Variants in SETD5 observed in about 807,000 individuals in gnomAD.
SETD5 encodes histone-lysine N-methyltransferase SETD5.
Under a neutral mutation model 153.3 loss-of-function variants are expected in SETD5, and 44 were observed. That is an observed-to-expected ratio of 0.29 (90% CI 0.23 to 0.37). The LOEUF is 0.37. Ranked by LOEUF, SETD5 falls within the 10% of genes least tolerant of loss-of-function variation. SETD5 has a pLI of 1.00. For synonymous variants in SETD5, 716 were observed against 645.2 expected (o/e 1.11, Z -1.66); for missense variants, 1,544 against 1,768.0 (o/e 0.87, Z 2.27).
At chr3:9,417,497 T>A (rs373570080) in intron 1 of SETD5, among the ~76,000 whole-genome samples, 1 of 142,320 alleles carries the variant, frequency 7.0e-6, no homozygotes, top group East Asian at 2.0e-4. Context: ...TTTTTTTTTT[T>A]CCCCCCGAGA....
chr3:9,465,421 T>C (rs2044438457), intron 18 of SETD5, among the ~76,000 whole-genome samples: 1 of 152,248 alleles, frequency 6.6e-6, no homozygotes, highest in South Asian at 2.1e-4. Context: ...ACTTCATCTA[T>C]TGCATGTTAC....
chr3:9,399,843 AAGT>A (rs1399397673), intron 1 of SETD5, among the ~76,000 whole-genome samples: 1 of 150,258 alleles, frequency 6.7e-6, no homozygotes, highest in East Asian at 1.9e-4. Flanking sequence ...AAAAAAAAAA[AAGT>A]GTGTGTAAGG....
chr3:9,436,914 G>A, intron 7 of SETD5: 1 of 1,547,872 alleles, frequency 6.5e-7, no homozygotes, highest in Non-Finnish European at 8.7e-7. Flanking sequence ...CGCTGATGCT[G>A]TGTTTTACTT....
At chr3:9,447,369 C>T in intron 14 of SETD5, 62 bp downstream of exon 14, 1 of 1,543,558 alleles carries the variant, frequency 6.5e-7, no homozygotes, top group Non-Finnish European at 8.7e-7. Flanking sequence ...CAATACCTAA[C>T]TTTTGGAATT....
At chr3:9,456,171 T>C (rs997137208) in intron 17 of SETD5, among the ~76,000 whole-genome samples, 1 of 151,484 alleles carries the variant, frequency 6.6e-6, no homozygotes, top group Admixed American at 6.6e-5. Context: ...ACTAACTATA[T>C]GATGTTACTA....
chr3:9,409,620 C>G (rs966527418), intron 1 of SETD5, among the ~76,000 whole-genome samples: 2 of 152,144 alleles, frequency 1.3e-5, no homozygotes, highest in African/African-American at 2.4e-5. Context: ...TCAGCCATTT[C>G]TGCAGAAACC....
chr3:9,465,771 A>G (rs1039448045), intron 18 of SETD5, among the ~76,000 whole-genome samples: 1 of 152,082 alleles, frequency 6.6e-6, no homozygotes, highest in African/African-American at 2.4e-5. Flanking sequence ...TAGGGAAATT[A>G]CTCTTTACCA....
chr3:9,432,885 ATTTTC>A (rs2040133113), intron 3 of SETD5, among the ~76,000 whole-genome samples: 1 of 152,208 alleles, frequency 6.6e-6, no homozygotes, highest in South Asian at 2.1e-4. Flanking sequence ...GTCTCAAATA[ATTTTC>A]TTTAAAGGAC....
chr3:9,436,225 C>A (rs1330766748), intron 7 of SETD5, among the ~76,000 whole-genome samples: 1 of 152,150 alleles, frequency 6.6e-6, no homozygotes, highest in African/African-American at 2.4e-5. Flanking sequence ...CAGTATCTCC[C>A]CACCTCTCAA....
intron 1 of SETD5, among the ~76,000 whole-genome samples, chr3:9,408,713 C>T (rs1575182363): frequency 1.3e-5 from 2 of 152,076 alleles, no homozygotes; most frequent in Non-Finnish European, 2.9e-5. Flanking sequence ...TACATAATTT[C>T]TGCTTGTCTG....
chr3:9,436,078 C>A (rs1458025066), intron 7 of SETD5, among the ~76,000 whole-genome samples, 172 bp downstream of exon 7: 1 of 152,158 alleles, frequency 6.6e-6, no homozygotes, highest in Non-Finnish European at 1.5e-5. Context: ...ACCAACCTCT[C>A]TTCTGCCACA....
At chr3:9,440,115 A>C (rs1049831314) in intron 7 of SETD5, among the ~76,000 whole-genome samples, 1 of 152,210 alleles carries the variant, frequency 6.6e-6, no homozygotes, top group African/African-American at 2.4e-5. Flanking sequence ...TTTCTTATGA[A>C]CTTGATGTCA....
chr3:9,459,714 CAAA>C (rs386395917), intron 17 of SETD5, among the ~76,000 whole-genome samples: 15 of 78,272 alleles, frequency 1.9e-4, no homozygotes, highest in Admixed American at 1.3e-4. Context: ...GAGACTCCAT[CAAA>C]AAAAAAAAAA....
At chr3:9,431,147 G>A in intron 3 of SETD5, 1 of 985,372 alleles carries the variant, frequency 1.0e-6, no homozygotes, top group Non-Finnish European at 1.2e-6. Context: ...GCAACTATAT[G>A]CAATACGCAT....
At position 9,417,465 on chromosome 3, in the gene SETD5, A is replaced by G. The variant is rs146150440; in HGVS notation, c.-176-7002A>G. 3.3e-5 allele frequency among the ~76,000 whole-genome samples: 5 copies of G among 152,110 alleles called. No individual in the cohort carries two copies. In the East Asian group the frequency reaches 9.6e-4, roughly 29 times the overall value. ...CATATTTTGTCTCCTGTCTTTTAGTAAATCAGTATAGATAAGTCTTTTTTT... is the reference window on the plus strand; with the variant it reads ...CATATTTTGTCTCCTGTCTTTTAGTGAATCAGTATAGATAAGTCTTTTTTT... On this transcript the variant is annotated intron_variant, in intron 1 of 22. Coordinates refer to ENST00000402198, the MANE Select transcript of SETD5 (RefSeq NM_001080517.3).
At chr3:9,472,076 T>C (rs1427975783) in intron 19 of SETD5, among the ~76,000 whole-genome samples, 1 of 152,226 alleles carries the variant, frequency 6.6e-6, no homozygotes, top group African/African-American at 2.4e-5. Flanking sequence ...TCGAAGATTG[T>C]TGCGTGAACA....
chr3:9,441,350 GTATTTTTTT>G (rs1284427963), intron 8 of SETD5, among the ~76,000 whole-genome samples: 3 of 149,270 alleles, frequency 2.0e-5, no homozygotes, highest in Admixed American at 1.3e-4. Flanking sequence ...TCTTAATCAT[GTATTTTTTT>G]TTTTTTTTTA....
chr3:9,468,499 G>A, intron 18 of SETD5: 1 of 1,303,800 alleles, frequency 7.7e-7, no homozygotes, highest in Non-Finnish European at 1.0e-6. Context: ...ATAATAACAA[G>A]ATGCTTTTCC....
chr3:9,475,723 T>A lies in SETD5; in HGVS notation c.3961T>A (p.Phe1321Ile). The A allele has an allele frequency of 6.2e-7, 1 of 1,613,974 alleles. No individual in the cohort carries two copies. The highest frequency in any genetic ancestry group is 1.3e-5 in the African/African-American group (1 of 75,044). Reference sequence around the variant, plus strand: ...CCCATTTACGGGGACACCAGGGTATTTTAGCAGCCAGCCACATTCTGGAAA... The same window carrying A: ...CCCATTTACGGGGACACCAGGGTATATTAGCAGCCAGCCACATTCTGGAAA... The part of the protein sequence containing the change: ...LAPFTGTPGY[F>I]SSQPHSGNST... The change falls in exon 23 of 23, where the codon TTT becomes ATT. Residue 1321 changes from phenylalanine to isoleucine, a missense_variant. Coordinates refer to ENST00000402198, the MANE Select transcript of SETD5 (RefSeq NM_001080517.3).
Sources: allele counts gnomAD v4.1 joint callset (sites outside exome capture counted in the v4.1 genomes callset), GRCh38; gene constraint gnomAD v4.1.1; transcripts MANE v1.5; gene names NCBI Gene and HGNC (gene_info 2026-07-23, HGNC 2026-07-21).